GADL1: variants seen among roughly 807,000 people sequenced by gnomAD.
The protein encoded by GADL1 is acidic amino acid decarboxylase GADL1.
A neutral mutation model predicts 69.5 loss-of-function variants in GADL1; 71 were observed. That is an observed-to-expected ratio of 1.02 (90% CI 0.84 to 1.25). The LOEUF (loss-of-function observed/expected upper bound fraction) is 1.25. GADL1 is among the 50% of genes most tolerant of loss of function. The probability of loss-of-function intolerance (pLI) is 0.00; values close to 1 mark genes in which losing one functional copy is unlikely to be tolerated. For missense variants in GADL1, 737 were observed against 631.8 expected (o/e 1.17, Z -1.79); for synonymous variants, 254 against 214.4 (o/e 1.18, Z -1.62).
chr3:30,884,156 G>A (rs921662505), intron 1 of GADL1, among the ~76,000 whole-genome samples: 3 of 151,886 alleles, frequency 2.0e-5, no homozygotes, highest in African/African-American at 7.2e-5. Flanking sequence ...ACTTTCTACG[G>A]TCCGTCTCTA....
At chr3:30,807,060 T>C (rs1023545771) in intron 11 of GADL1, among the ~76,000 whole-genome samples, 1 of 152,234 alleles carries the variant, frequency 6.6e-6, no homozygotes, top group African/African-American at 2.4e-5. Context: ...ATTGGCCTAA[T>C]GAAAATGCTG....
At chr3:30,762,419 C>A (rs896549439) in intron 14 of GADL1, among the ~76,000 whole-genome samples, 2 of 152,170 alleles carry the variant, frequency 1.3e-5, no homozygotes, top group African/African-American at 4.8e-5. Context: ...TATCTGAACT[C>A]ATGTACTTCA....
At chr3:30,890,687 G>A (rs532809166) in intron 1 of GADL1, among the ~76,000 whole-genome samples, 3 of 152,098 alleles carry the variant, frequency 2.0e-5, no homozygotes, top group African/African-American at 4.8e-5. Context: ...GGGTAATCAT[G>A]CAGCTAGTGG....
At chr3:30,859,997 T>C (rs1052445691) in intron 2 of GADL1, among the ~76,000 whole-genome samples, 1 of 151,896 alleles carries the variant, frequency 6.6e-6, no homozygotes, top group Admixed American at 6.6e-5. Flanking sequence ...CAAAAAATGG[T>C]CCCCTTGCTG....
chr3:30,796,731 C>G (rs1697040500), intron 12 of GADL1, among the ~76,000 whole-genome samples: 1 of 152,080 alleles, frequency 6.6e-6, no homozygotes, highest in Non-Finnish European at 1.5e-5. Context: ...GCACCTAGAC[C>G]AAGCCTTCTG....
chr3:30,860,113 C>T (rs1698298141), intron 2 of GADL1, among the ~76,000 whole-genome samples: 1 of 151,952 alleles, frequency 6.6e-6, no homozygotes, highest in African/African-American at 2.4e-5. Context: ...CTTCCCCTGC[C>T]ACTGCCCCCC....
chr3:30,814,497 T>C (rs1183321764), intron 11 of GADL1, among the ~76,000 whole-genome samples: 1 of 152,184 alleles, frequency 6.6e-6, no homozygotes, highest in Non-Finnish European at 1.5e-5. Context: ...ACCACTGAAC[T>C]CTATGGTTGT....
At position 30,728,336 on chromosome 3, in the gene GADL1, T is replaced by G. The variant is rs754856307; in HGVS notation, c.1472A>C (p.Asn491Thr). 2.5e-6 allele frequency: 4 copies of G among 1,613,894 alleles called. No individual in the cohort carries two copies. In the Admixed American group the frequency reaches 6.7e-5, roughly 27 times the overall value. ...GCTGATCACCACCTGGCGGAAGAAG[T>G]TGACCTTTCCCCGGTGCGGCTGGTA... ...LGYQPHRGKVNFFRQVVISPQ... is the reference protein window; with the variant it reads ...LGYQPHRGKVTFFRQVVISPQ... Residue 491 changes from asparagine to threonine, a missense_variant, in exon 15 of 15, where the codon AAC (asparagine) becomes ACC (threonine). Transcript: ENST00000282538.
rs1174543012 is a variant in GADL1 at position 30,828,707 on chromosome 3, G to A, written c.1050+5146C>T. ...CATCTATGTCATTAAGTGTACAAAT[G>A]TCTTGCCTATCAAATTGACAAAACT... On this transcript the variant is annotated intron_variant, in intron 11 of 14. Coordinates refer to ENST00000282538, the MANE Select transcript of GADL1 (RefSeq NM_207359.3). 2.6e-5 allele frequency among the ~76,000 whole-genome samples: 4 copies of A among 151,876 alleles called. 1 individual carries two copies. Among genetic ancestry groups the A allele is most frequent in the East Asian group, 3.9e-4 (2 of 5,162 alleles).
chr3:30,740,250 A>G (rs1695597841), intron 14 of GADL1, among the ~76,000 whole-genome samples: 1 of 152,200 alleles, frequency 6.6e-6, no homozygotes, highest in African/African-American at 2.4e-5. Flanking sequence ...CAGAGTTTGA[A>G]TTCGACTGGT....
chr3:30,731,898 C>G (rs1695463050), intron 14 of GADL1, among the ~76,000 whole-genome samples: 1 of 152,174 alleles, frequency 6.6e-6, no homozygotes, highest in Non-Finnish European at 1.5e-5. Context: ...TTATCACAAA[C>G]TATTCTGCTG....
At chr3:30,842,194 A>G (rs1697977687) in intron 8 of GADL1, among the ~76,000 whole-genome samples, 1 of 152,140 alleles carries the variant, frequency 6.6e-6, no homozygotes, top group Admixed American at 6.5e-5. Context: ...TTTTTTTTAA[A>G]AGGGCAATGG....
chr3:30,814,683 G>A (rs1013255667), intron 11 of GADL1, among the ~76,000 whole-genome samples: 1 of 152,004 alleles, frequency 6.6e-6, no homozygotes, highest in African/African-American at 2.4e-5. Context: ...AATTTGTAGA[G>A]GCAGAAAAAG....
At chr3:30,842,469 G>T (rs1192576945) in intron 8 of GADL1, among the ~76,000 whole-genome samples, 3 of 151,844 alleles carry the variant, frequency 2.0e-5, no homozygotes, top group African/African-American at 7.3e-5. Flanking sequence ...CTTGGTTTTT[G>T]TGTGTTTTGG....
At chr3:30,768,121 T>C (rs758396020) in intron 14 of GADL1, among the ~76,000 whole-genome samples, 1 of 150,928 alleles carries the variant, frequency 6.6e-6, no homozygotes, top group African/African-American at 2.5e-5. Context: ...ATTGCAAATG[T>C]ATACAGACTT....
rs755844299 is a variant in GADL1, at chr3:30,728,415, C to T, written c.1393G>A (p.Val465Met). The T allele has an allele frequency of 4.3e-6, 7 of 1,613,184 alleles. No homozygotes were observed. The highest frequency in any genetic ancestry group is 5.9e-6 in the Non-Finnish European group (7 of 1,179,470). The change falls in exon 15 of 15, where the codon GTG becomes ATG. Residue 465 changes from valine to methionine, a missense_variant and splice_region_variant. By Grantham distance (21) the Val-to-Met change is conservative. Coordinates refer to ENST00000282538, the MANE Select transcript of GADL1 (RefSeq NM_207359.3). ...GPEFWAKLNL[V>M]APAIKERMMK... Reference sequence around the variant, plus strand: ...ATCCTCTCCTTAATGGCTGGGGCCACCTGTGTGGGGAGAAAAGGGGAGAGG... The same window carrying T: ...ATCCTCTCCTTAATGGCTGGGGCCATCTGTGTGGGGAGAAAAGGGGAGAGG...
At position 30,893,178 on chromosome 3, in the gene GADL1, T is replaced by C. The variant is rs111711577; in HGVS notation, c.37+1400A>G. 3.3e-5 allele frequency among the ~76,000 whole-genome samples: 5 copies of C among 152,344 alleles called. 1 individual carries two copies. Among genetic ancestry groups the C allele is most frequent in the Middle Eastern group, 3.4e-3 (1 of 294 alleles). On this transcript the variant is annotated intron_variant, in intron 1 of 14. Transcript: ENST00000282538. ...GCCTAACCAAATATTTAAATAAGTA[T>C]GTGCTGACCCTAGAAACATTAAGAG...
At chr3:30,858,506 G>T (rs1698261821) in intron 2 of GADL1, among the ~76,000 whole-genome samples, 1 of 151,970 alleles carries the variant, frequency 6.6e-6, no homozygotes, top group South Asian at 2.1e-4. Flanking sequence ...TATTTAAAAT[G>T]CAGAATCACT....
chr3:30,860,948 G>T (rs1265773816), intron 2 of GADL1, among the ~76,000 whole-genome samples: 1 of 151,918 alleles, frequency 6.6e-6, no homozygotes, highest in East Asian at 1.9e-4. Context: ...CTTTTGAAAG[G>T]ATTAAATGCA....
Sources: allele counts gnomAD v4.1 joint callset (sites outside exome capture counted in the v4.1 genomes callset), GRCh38; gene constraint gnomAD v4.1.1; transcripts MANE v1.5; gene names NCBI Gene and HGNC (gene_info 2026-07-23, HGNC 2026-07-21).